CCDC146: variants seen among roughly 807,000 people sequenced by gnomAD.
The protein encoded by CCDC146 is coiled-coil domain-containing protein 146.
A neutral mutation model predicts 119.3 loss-of-function variants in CCDC146; 92 were observed. That is an observed-to-expected ratio of 0.77 (90% CI 0.65 to 0.92). CCDC146 has a LOEUF of 0.92. CCDC146 is among the 40% of genes least tolerant of loss of function. The pLI is 0.00. For synonymous variants in CCDC146, 372 were observed against 371.8 expected (o/e 1.00, Z -0.01); for missense variants, 1,000 against 1,103.0 (o/e 0.91, Z 1.32).
At chr7:77,172,763 T>C (rs578199321) in intron 2 of CCDC146, among the ~76,000 whole-genome samples, 3 of 152,298 alleles carry the variant, frequency 2.0e-5, no homozygotes, top group Admixed American at 2.0e-4. Flanking sequence ...TGATGTAAGA[T>C]CATGGCTATC....
At chr7:77,294,183 C>CT (rs1053695000) in intron 18 of CCDC146, among the ~76,000 whole-genome samples, 1 of 152,192 alleles carries the variant, frequency 6.6e-6, no homozygotes, top group African/African-American at 2.4e-5. Flanking sequence ...GTAACTTTTG[C>CT]TCACCAATGA....
intron 1 of CCDC146, among the ~76,000 whole-genome samples, chr7:77,146,649 T>C (rs192400381): frequency 6.4e-4 from 97 of 152,040 alleles, no homozygotes; most frequent in South Asian, 2.1e-3. Flanking sequence ...TAAAGTATTT[T>C]ATTTCTCCTT....
chr7:77,271,350 A>G (rs976525335), intron 9 of CCDC146, among the ~76,000 whole-genome samples: 2 of 151,256 alleles, frequency 1.3e-5, no homozygotes, highest in Non-Finnish European at 1.5e-5. Flanking sequence ...CCTGCCCTCG[A>G]ACATCGGACT....
At chr7:77,266,282 C>T (rs1433803881) in intron 9 of CCDC146, among the ~76,000 whole-genome samples, 1 of 152,154 alleles carries the variant, frequency 6.6e-6, no homozygotes, top group African/African-American at 2.4e-5. Flanking sequence ...AATTTCATCT[C>T]CCTTTGCTCT....
Position 77,294,724 on chromosome 7 carries a change from G to A in CCDC146, c.2726G>A (p.Arg909His), listed in dbSNP as rs746349411. 3.2e-5 allele frequency: 51 copies of A among 1,614,002 alleles called. No homozygotes were observed. The highest frequency in any genetic ancestry group is 7.7e-5 in the South Asian group (7 of 91,082). The change falls in exon 19 of 19, where the codon CGT (arginine) becomes CAT (histidine). Residue 909 changes from arginine to histidine, a missense_variant. Coordinates refer to ENST00000285871, the MANE Select transcript of CCDC146 (RefSeq NM_020879.3). ...GGTGTTTACACAACTGCAGAGCAGC[G>A]TCCGAATGCCTACATCCCAGAAGCA... ...PNGVYTTAEQ[R>H]PNAYIPEADA...
intron 3 of CCDC146, 29 bp downstream of exon 3, chr7:77,237,058 A>C: frequency 1.3e-6 from 2 of 1,555,604 alleles, no homozygotes; most frequent in Non-Finnish European, 8.9e-7. Flanking sequence ...TGGAGACATG[A>C]TTAATCACCT....
At chr7:77,277,730 A>G (rs1793676530) in intron 11 of CCDC146, among the ~76,000 whole-genome samples, 1 of 152,238 alleles carries the variant, frequency 6.6e-6, no homozygotes, top group Admixed American at 6.5e-5. Flanking sequence ...GAACAGCATT[A>G]GAAAAATGCT....
chr7:77,123,448 GTGTGTGTGTT>G, intron 1 of CCDC146, among the ~76,000 whole-genome samples: 1 of 138,534 alleles, frequency 7.2e-6, no homozygotes, highest in Admixed American at 7.1e-5. Flanking sequence ...GTGTGTGTGT[GTGTGTGTGTT>G]TACCTTTTAT....
intron 11 of CCDC146, 58 bp from the exon 12 acceptor site, chr7:77,278,688 TGTGGGA>T: frequency 9.2e-7 from 1 of 1,090,696 alleles, no homozygotes; most frequent in Non-Finnish European, 1.4e-6. Flanking sequence ...AAGGGAATGA[TGTGGGA>T]TAAATCTGGG....
At chr7:77,220,997 T>C (rs4498472) in intron 2 of CCDC146, among the ~76,000 whole-genome samples, 114,534 of 152,098 alleles carry the variant, frequency 0.75, 43,235 homozygotes, top group South Asian at 0.84. Flanking sequence ...CAGGGAGCTT[T>C]TACTCATGGC....
chr7:77,278,727 T>G (rs2150544581), intron 11 of CCDC146, 25 bp from the exon 12 acceptor site: 2 of 1,502,010 alleles, frequency 1.3e-6, no homozygotes, highest in African/African-American at 2.8e-5. Flanking sequence ...TTGTTATTTA[T>G]TTCACATTTT....
At chr7:77,158,732 C>A (rs2117461620) in intron 1 of CCDC146, among the ~76,000 whole-genome samples, 1 of 152,246 alleles carries the variant, frequency 6.6e-6, no homozygotes, top group Non-Finnish European at 1.5e-5. Context: ...GTTGGCCAGG[C>A]TGGTCTCTAA....
intron 2 of CCDC146, among the ~76,000 whole-genome samples, chr7:77,192,598 G>A (rs893014822): frequency 2.0e-5 from 3 of 152,166 alleles, no homozygotes; most frequent in Admixed American, 2.0e-4. Flanking sequence ...TTTCATGAAG[G>A]GACTTATTTG....
chr7:77,147,070 G>T (rs1271614565), intron 1 of CCDC146, among the ~76,000 whole-genome samples: 2 of 152,128 alleles, frequency 1.3e-5, no homozygotes, highest in African/African-American at 2.4e-5. Context: ...ATTTGGTCTT[G>T]TCACATAGTC....
chr7:77,287,939 T>A (rs17151063), intron 17 of CCDC146, among the ~76,000 whole-genome samples: 36,433 of 152,132 alleles, frequency 0.24, 5,168 homozygotes, highest in African/African-American at 0.38. Flanking sequence ...TAGTAGGGAC[T>A]GCTCCAATCC....
At chr7:77,232,534 G>A (rs1792650788) in intron 2 of CCDC146, among the ~76,000 whole-genome samples, 1 of 152,158 alleles carries the variant, frequency 6.6e-6, no homozygotes, top group African/African-American at 2.4e-5. Context: ...ATTGCTCTGG[G>A]ACATGAATAT....
chr7:77,264,494 A>C (rs965259212), intron 9 of CCDC146, among the ~76,000 whole-genome samples: 1 of 152,122 alleles, frequency 6.6e-6, no homozygotes, highest in Non-Finnish European at 1.5e-5. Flanking sequence ...CCTGACCTCA[A>C]GTGATCCATC....
chr7:77,256,779 A>G (rs935566006), intron 6 of CCDC146, among the ~76,000 whole-genome samples: 1 of 152,184 alleles, frequency 6.6e-6, no homozygotes, highest in Non-Finnish European at 1.5e-5. Flanking sequence ...TGGACATTAG[A>G]AACAAGTGTC....
chr7:77,246,006 C>T (rs1792943015), intron 4 of CCDC146, among the ~76,000 whole-genome samples: 1 of 152,150 alleles, frequency 6.6e-6, no homozygotes, highest in African/African-American at 2.4e-5. Flanking sequence ...AAGGAAGATC[C>T]CATCCAAAAA....
Sources: gnomAD v4.1 joint callset for allele counts (sites outside exome capture counted in the v4.1 genomes callset) on GRCh38, gnomAD v4.1.1 for gene constraint, MANE v1.5 for transcripts, NCBI Gene and HGNC (gene_info 2026-07-23, HGNC 2026-07-21) for gene names.